Variants in ZFPM2 observed in about 807,000 individuals in gnomAD.
ZFPM2 encodes the protein zinc finger protein, FOG family member 2, also known as zinc finger protein ZFPM2.
ZFPM2 carries 20 observed loss-of-function variants against 98.6 expected under a neutral mutation model. The observed-to-expected ratio is 0.20, with a 90% confidence interval of 0.14 to 0.29. ZFPM2 has a LOEUF of 0.29. ZFPM2 is among the 10% of genes least tolerant of loss of function. The pLI is 1.00. For missense variants in ZFPM2, 1,310 were observed against 1,388.6 expected, an observed-to-expected ratio of 0.94 and a Z score of 0.90; for synonymous variants, 518 against 502.7, an observed-to-expected ratio of 1.03 and a Z score of -0.41.
At chr8:105,696,415 A>C (rs1811021328) in intron 5 of ZFPM2, among the ~76,000 whole-genome samples, 1 of 152,186 alleles carries the variant, frequency 6.6e-6, no homozygotes. Flanking sequence ...ATGTAGCATA[A>C]AATTTAAGAA....
At chr8:105,397,736 C>T (rs1318478582) in intron 1 of ZFPM2, among the ~76,000 whole-genome samples, 1 of 152,022 alleles carries the variant, frequency 6.6e-6, no homozygotes, top group African/African-American at 2.4e-5. Flanking sequence ...ATATACAAGA[C>T]TTATACTGGT....
At chr8:105,369,919 A>G (rs1420643935) in intron 1 of ZFPM2, among the ~76,000 whole-genome samples, 1 of 152,192 alleles carries the variant, frequency 6.6e-6, no homozygotes, top group East Asian at 1.9e-4. Flanking sequence ...ATATAGTAGT[A>G]TGTATCTATG....
intron 5 of ZFPM2, among the ~76,000 whole-genome samples, chr8:105,759,581 TGTG>T (rs1812691149): frequency 1.5e-5 from 1 of 67,602 alleles, no homozygotes; most frequent in Non-Finnish European, 2.6e-5. Flanking sequence ...TGATAATCCT[TGTG>T]TGTGTGTGTG....
intron 3 of ZFPM2, among the ~76,000 whole-genome samples, chr8:105,494,599 A>G (rs868555815): frequency 2.6e-5 from 4 of 152,270 alleles, no homozygotes; most frequent in Middle Eastern, 3.4e-3. Context: ...GAAGAAGATA[A>G]TAACTAAGTT....
intron 1 of ZFPM2, among the ~76,000 whole-genome samples, chr8:105,319,930 G>T (rs1444022339): frequency 2.6e-5 from 4 of 152,134 alleles, no homozygotes; most frequent in Non-Finnish European, 4.4e-5. Context: ...TCCTCCAATA[G>T]CGTTTTATAG....
chr8:105,650,573 TG>T (rs1310623214), intron 5 of ZFPM2, among the ~76,000 whole-genome samples: 23 of 152,198 alleles, frequency 1.5e-4, no homozygotes, highest in Non-Finnish European at 1.2e-4. Flanking sequence ...TCTGGTATGT[TG>T]TGTCTTTGTT....
At chr8:105,545,348 T>C (rs1440609959) in intron 3 of ZFPM2, among the ~76,000 whole-genome samples, 1 of 152,082 alleles carries the variant, frequency 6.6e-6, no homozygotes, top group Non-Finnish European at 1.5e-5. Context: ...AGAACTTCTG[T>C]TTTTTTGTAG....
At chr8:105,677,281 C>T (rs1410667269) in intron 5 of ZFPM2, among the ~76,000 whole-genome samples, 1 of 151,510 alleles carries the variant, frequency 6.6e-6, no homozygotes, top group African/African-American at 2.4e-5. Context: ...GGACAAGATG[C>T]TATGCTAAGT....
intron 2 of ZFPM2, among the ~76,000 whole-genome samples, chr8:105,423,733 G>A (rs1222757065): frequency 6.6e-6 from 1 of 152,132 alleles, no homozygotes; most frequent in East Asian, 1.9e-4. Context: ...CAGAAATATA[G>A]GTGGTCTGGA....
In ZFPM2 at chr8:105,380,703, TAATA is replaced by T. The variant is rs1428820248; in HGVS notation, c.41-38440_41-38437del. 8.4e-5 allele frequency among the ~76,000 whole-genome samples: 2 copies of T among 23,706 alleles called. 1 individual carries two copies. The highest frequency in any genetic ancestry group is 1.3e-4 in the Non-Finnish European group (2 of 15,190). 15.6% of individuals were successfully genotyped at this position (23,706 alleles called of 152,430 possible). On this transcript the variant is annotated intron_variant, in intron 1 of 7. Transcript: ENST00000407775. ...ATATATATATTATATATAACATATATAATATATATATATATTATATATAACATAT... is the reference window on the plus strand; with the variant it reads ...ATATATATATTATATATAACATATATTATATATATATTATATATAACATAT...
chr8:105,712,113 A>G (rs932532868), intron 5 of ZFPM2, among the ~76,000 whole-genome samples: 6 of 152,034 alleles, frequency 3.9e-5, no homozygotes, highest in East Asian at 1.9e-4. Context: ...ACTGGGGGAA[A>G]AAGGCTGGTG....
At chr8:105,796,304 T>C (rs1362868513) in intron 6 of ZFPM2, among the ~76,000 whole-genome samples, 2 of 152,242 alleles carry the variant, frequency 1.3e-5, no homozygotes, top group Non-Finnish European at 2.9e-5. Flanking sequence ...GTGGAGAGTG[T>C]ACTCTATTTG....
At chr8:105,594,156 A>T (rs906948231) in intron 4 of ZFPM2, among the ~76,000 whole-genome samples, 1 of 152,110 alleles carries the variant, frequency 6.6e-6, no homozygotes, top group African/African-American at 2.4e-5. Context: ...TGCCTGAGTT[A>T]TTCCTTTTAA....
chr8:105,475,181 A>T (rs1384773891), intron 3 of ZFPM2, among the ~76,000 whole-genome samples: 3 of 152,202 alleles, frequency 2.0e-5, no homozygotes, highest in African/African-American at 7.2e-5. Context: ...CAACCCTGTC[A>T]CTTCTACTAA....
intron 5 of ZFPM2, among the ~76,000 whole-genome samples, chr8:105,689,675 AGTG>A (rs1810830661): frequency 6.6e-6 from 1 of 152,200 alleles, no homozygotes; most frequent in Admixed American, 6.5e-5. Flanking sequence ...TGGCAACAGC[AGTG>A]GTGATGATGA....
chr8:105,460,242 A>G (rs1225979681), intron 3 of ZFPM2, among the ~76,000 whole-genome samples: 1 of 152,214 alleles, frequency 6.6e-6, no homozygotes, highest in Non-Finnish European at 1.5e-5. Context: ...CTGGGACTCC[A>G]GTGGCCTAAC....
At chr8:105,607,061 T>C (rs1169463571) in intron 4 of ZFPM2, among the ~76,000 whole-genome samples, 1 of 152,158 alleles carries the variant, frequency 6.6e-6, no homozygotes, top group Non-Finnish European at 1.5e-5. Context: ...TTTCGTGCCT[T>C]TGATTTTAAG....
At chr8:105,416,715 A>G (rs1310521799) in intron 1 of ZFPM2, among the ~76,000 whole-genome samples, 1 of 151,910 alleles carries the variant, frequency 6.6e-6, no homozygotes, top group Non-Finnish European at 1.5e-5. Context: ...TAAATTATGT[A>G]AATAAAAATA....
At chr8:105,372,826 G>T (rs1178747981) in intron 1 of ZFPM2, among the ~76,000 whole-genome samples, 1 of 152,088 alleles carries the variant, frequency 6.6e-6, no homozygotes, top group Non-Finnish European at 1.5e-5. Flanking sequence ...TATCCATCAG[G>T]ACATGCACCG....
Sources: gnomAD v4.1 joint callset for allele counts (sites outside exome capture counted in the v4.1 genomes callset) on GRCh38, gnomAD v4.1.1 for gene constraint, MANE v1.5 for transcripts, NCBI Gene and HGNC (gene_info 2026-07-23, HGNC 2026-07-21) for gene names.